MACROD2: variants seen among roughly 807,000 people sequenced by gnomAD.
MACROD2 encodes the protein mono-ADP ribosylhydrolase 2.
A neutral mutation model predicts 70.4 loss-of-function variants in MACROD2; 36 were observed. The ratio of observed to expected loss-of-function variants is 0.51; its 90% CI spans 0.39 to 0.68. MACROD2 has a LOEUF of 0.68. Ranked by LOEUF, MACROD2 falls within the 30% of genes least tolerant of loss-of-function variation. MACROD2 has a pLI of 0.00. For missense variants in MACROD2, 496 were observed against 538.4 expected (o/e 0.92, Z 0.78); for synonymous variants, 172 against 178.8 (o/e 0.96, Z 0.30).
At chr20:15,018,530 C>T (rs892966990) in intron 5 of MACROD2, among the ~76,000 whole-genome samples, 5 of 152,080 alleles carry the variant, frequency 3.3e-5, no homozygotes, top group African/African-American at 1.2e-4. Flanking sequence ...TCAGCAGCAC[C>T]CCACTGTACG....
Position 14,541,405 on chromosome 20 carries a change from C to G in MACROD2, c.301+47897C>G, listed in dbSNP as rs142458033. ...GTCCATCTTGTCGGGGAAGTCTTCTCCGACCATCTCATATAAACCTCCCAC... is the reference window on the plus strand; with the variant it reads ...GTCCATCTTGTCGGGGAAGTCTTCTGCGACCATCTCATATAAACCTCCCAC... On this transcript the variant is annotated intron_variant, in intron 4 of 17. Coordinates refer to ENST00000684519, the MANE Select transcript of MACROD2 (RefSeq NM_001351661.2). Among the ~76,000 whole-genome samples, 1,512 of 152,190 alleles carry G rather than the reference C, an allele frequency of 9.9e-3. 33 individuals are homozygous for G. The highest frequency in any genetic ancestry group is 0.035 in the African/African-American group (1,439 of 41,518).
chr20:15,577,549 T>C (rs1383719958), intron 8 of MACROD2, among the ~76,000 whole-genome samples: 1 of 152,122 alleles, frequency 6.6e-6, no homozygotes, highest in Non-Finnish European at 1.5e-5. Flanking sequence ...GTATAAATCG[T>C]TGGAAAAACC....
chr20:15,835,498 A>G (rs1038069838), intron 8 of MACROD2, among the ~76,000 whole-genome samples: 10 of 152,188 alleles, frequency 6.6e-5, no homozygotes, highest in Admixed American at 6.5e-4. Flanking sequence ...ATTCTAATTA[A>G]CATAGCCAGA....
chr20:14,868,167 A>T (rs988298833), intron 5 of MACROD2, among the ~76,000 whole-genome samples: 9 of 150,984 alleles, frequency 6.0e-5, no homozygotes, highest in African/African-American at 2.2e-4. Flanking sequence ...TCTCTCTCCC[A>T]TATCTTTTTC....
intron 8 of MACROD2, among the ~76,000 whole-genome samples, chr20:15,502,485 T>A (rs1221591526): frequency 6.6e-6 from 1 of 152,132 alleles, no homozygotes; most frequent in Non-Finnish European, 1.5e-5. Flanking sequence ...TAGTGGGTAG[T>A]TGTTGAAGTG....
chr20:15,020,448 T>C (rs1016760868), intron 5 of MACROD2, among the ~76,000 whole-genome samples: 1 of 152,152 alleles, frequency 6.6e-6, no homozygotes, highest in Non-Finnish European at 1.5e-5. Flanking sequence ...GCCTGTGTCT[T>C]AAAACCAAAG....
chr20:14,159,752 A>G (rs2055156589), intron 3 of MACROD2, among the ~76,000 whole-genome samples: 1 of 152,024 alleles, frequency 6.6e-6, no homozygotes, highest in Non-Finnish European at 1.5e-5. Context: ...TAGGATTTCC[A>G]GTATTGTGTT....
At chr20:14,114,006 T>G (rs977966761) in intron 3 of MACROD2, among the ~76,000 whole-genome samples, 1 of 152,140 alleles carries the variant, frequency 6.6e-6, no homozygotes, top group Non-Finnish European at 1.5e-5. Flanking sequence ...AATTCTATCT[T>G]TAGGTATAGA....
intron 6 of MACROD2, among the ~76,000 whole-genome samples, chr20:15,403,076 C>T (rs754364054): frequency 6.6e-6 from 1 of 151,998 alleles, no homozygotes; most frequent in Non-Finnish European, 1.5e-5. Flanking sequence ...AAGCGATTCT[C>T]CTGCCTTAGC....
chr20:15,846,695 G>A (rs898870584), intron 8 of MACROD2, among the ~76,000 whole-genome samples: 1 of 151,996 alleles, frequency 6.6e-6, no homozygotes, highest in African/African-American at 2.4e-5. Context: ...GAGCCGTCCT[G>A]TTAACCAACT....
chr20:15,737,194 A>T (rs2423985), intron 8 of MACROD2, among the ~76,000 whole-genome samples: 125,991 of 151,666 alleles, frequency 0.83, 52,678 homozygotes, highest in Middle Eastern at 0.9. Flanking sequence ...TTGAAGATAA[A>T]GTGTGTGCTT....
chr20:14,185,643 G>A (rs2081338537), intron 3 of MACROD2, among the ~76,000 whole-genome samples: 2 of 152,174 alleles, frequency 1.3e-5, no homozygotes, highest in South Asian at 4.1e-4. Flanking sequence ...AATATAAAAT[G>A]CAAAGGTCTG....
At chr20:14,582,882 C>A (rs1399727538) in intron 4 of MACROD2, among the ~76,000 whole-genome samples, 2 of 152,178 alleles carry the variant, frequency 1.3e-5, no homozygotes, top group Non-Finnish European at 2.9e-5. Flanking sequence ...GGAGGCACAG[C>A]TCCCAAATCA....
chr20:15,803,687 G>C (rs187115784), intron 8 of MACROD2, among the ~76,000 whole-genome samples: 26 of 152,218 alleles, frequency 1.7e-4, no homozygotes, highest in Admixed American at 1.2e-3. Flanking sequence ...TTCTTACAGG[G>C]ACATTCTGTC....
intron 4 of MACROD2, among the ~76,000 whole-genome samples, chr20:14,621,069 T>A (rs901210732): frequency 6.6e-6 from 1 of 152,118 alleles, no homozygotes; most frequent in Non-Finnish European, 1.5e-5. Context: ...CTGTGTGACC[T>A]TGGGCAAGGC....
intron 2 of MACROD2, among the ~76,000 whole-genome samples, chr20:14,026,471 TG>T (rs766701646): frequency 3.3e-5 from 5 of 152,234 alleles, no homozygotes; most frequent in Non-Finnish European, 7.3e-5. Context: ...GTTTTTGCAG[TG>T]GTTGGTACCG....
At chr20:15,578,825 G>A (rs945857158) in intron 8 of MACROD2, among the ~76,000 whole-genome samples, 2 of 152,082 alleles carry the variant, frequency 1.3e-5, no homozygotes, top group Admixed American at 6.6e-5. Flanking sequence ...AGCTAAAACT[G>A]AAAAAATATA....
chr20:14,316,394 CT>C (rs1274184121), intron 3 of MACROD2, among the ~76,000 whole-genome samples: 1 of 152,052 alleles, frequency 6.6e-6, no homozygotes, highest in Non-Finnish European at 1.5e-5. Context: ...AGGAAATAAT[CT>C]TTTTTTCTTG....
intron 6 of MACROD2, among the ~76,000 whole-genome samples, chr20:15,318,172 C>A (rs1459231630): frequency 1.3e-5 from 2 of 152,004 alleles, no homozygotes; most frequent in African/African-American, 2.4e-5. Flanking sequence ...AGACCTTCTA[C>A]CACGAAAAGA....
Sources: gnomAD v4.1 joint callset for allele counts (sites outside exome capture counted in the v4.1 genomes callset) on GRCh38, gnomAD v4.1.1 for gene constraint, MANE v1.5 for transcripts, NCBI Gene and HGNC (gene_info 2026-07-23, HGNC 2026-07-21) for gene names.